Variants in SEC24B observed in about 807,000 individuals in gnomAD.
The protein encoded by SEC24B is protein transport protein Sec24B.
A neutral mutation model predicts 142.8 loss-of-function variants in SEC24B; 45 were observed. That is an observed-to-expected ratio of 0.32 (90% CI 0.25 to 0.40). SEC24B has a LOEUF of 0.40. Among genes scored for constraint, SEC24B ranks in the 10% least tolerant of loss-of-function variants. The pLI is 1.00. For missense variants in SEC24B, 1,409 were observed against 1,526.8 expected (o/e 0.92, Z 1.29); for synonymous variants, 574 against 568.2 (o/e 1.01, Z -0.15).
chr4:109,508,792 C>G (rs770559725), intron 7 of SEC24B, among the ~76,000 whole-genome samples: 2 of 152,116 alleles, frequency 1.3e-5, no homozygotes, highest in Non-Finnish European at 2.9e-5. Flanking sequence ...GTTTTGTCAA[C>G]TGTAAAACAG....
Position 109,524,806 on chromosome 4 carries a change from C to T in SEC24B, c.2509-12C>T, listed in dbSNP as rs1292708591. The T allele has an allele frequency of 6.2e-7, 1 of 1,603,902 alleles. No homozygotes were observed. The highest frequency in any genetic ancestry group is 2.3e-5 in the East Asian group (1 of 44,442). On this transcript the variant is annotated splice_polypyrimidine_tract_variant and intron_variant, in intron 14 of 23. Coordinates refer to ENST00000265175, the MANE Select transcript of SEC24B (RefSeq NM_006323.5). ...AGATTGCTAGCTCTTACTATATGAT[C>T]TGTTGACTTAGGTGGTACAACATCT...
chr4:109,519,160 A>G (rs748720893), intron 11 of SEC24B, among the ~76,000 whole-genome samples: 2 of 152,278 alleles, frequency 1.3e-5, no homozygotes, highest in Middle Eastern at 6.8e-3. Flanking sequence ...TCTTGGAGGT[A>G]CTAAAATACC....
intron 18 of SEC24B, 143 bp from the exon 19 acceptor site, chr4:109,530,146 A>G: frequency 5.1e-6 from 3 of 582,636 alleles, no homozygotes; most frequent in Non-Finnish European, 8.8e-6. Flanking sequence ...GACATTTGAA[A>G]TGAGGGAGCT....
At chr4:109,436,081 A>AT (rs1728384362) in intron 1 of SEC24B, among the ~76,000 whole-genome samples, 1 of 152,150 alleles carries the variant, frequency 6.6e-6, no homozygotes, top group African/African-American at 2.4e-5. Flanking sequence ...CTTAAATGTT[A>AT]TGCTAGGAAA....
At chr4:109,527,048 A>AT (rs1724314443) in intron 17 of SEC24B, among the ~76,000 whole-genome samples, 1 of 151,852 alleles carries the variant, frequency 6.6e-6, no homozygotes, top group Non-Finnish European at 1.5e-5. Flanking sequence ...GTGAAACCCC[A>AT]TCTCTACTAA....
intron 1 of SEC24B, chr4:109,449,500 G>A: frequency 2.2e-6 from 1 of 454,330 alleles, no homozygotes; most frequent in South Asian, 1.6e-5. Context: ...CCAAATTGCT[G>A]GGAGTACAGG....
chr4:109,507,845 A>G (rs993357624), intron 7 of SEC24B, among the ~76,000 whole-genome samples: 6 of 152,016 alleles, frequency 3.9e-5, no homozygotes, highest in Non-Finnish European at 7.4e-5. Context: ...GGGTTTCTGC[A>G]TGTTGGTCAG....
chr4:109,534,236 G>A (rs191955891), intron 22 of SEC24B, among the ~76,000 whole-genome samples: 5 of 150,946 alleles, frequency 3.3e-5, no homozygotes, highest in Admixed American at 2.6e-4. Context: ...ACATTTAAAC[G>A]TAAAAAAGGA....
At chr4:109,471,253 C>T (rs1732494873) in intron 2 of SEC24B, among the ~76,000 whole-genome samples, 1 of 152,134 alleles carries the variant, frequency 6.6e-6, no homozygotes, top group Admixed American at 6.5e-5. Context: ...AGCCATCCTC[C>T]CACCTCAGCC....
chr4:109,463,560 C>G lies in SEC24B; in HGVS notation c.793C>G (p.Pro265Ala), dbSNP rs773836007. 1 of 1,614,184 alleles carries G rather than the reference C, an allele frequency of 6.2e-7. No individual in the cohort carries two copies. The highest frequency in any genetic ancestry group is 1.1e-5 in the South Asian group (1 of 91,082). The stretch of plus-strand genomic sequence containing the variant: ...ATACAGTACTCTAACGTGGTCATCT[C>G]CAGGCCTTCCATCGACTCAAGACAA... The part of the protein sequence containing the change: ...SGYSTLTWSS[P>A]GLPSTQDNLI... Residue 265 changes from proline (P) to alanine (A), a missense_variant, in exon 2 of 24, where the codon CCA becomes GCA. Physicochemically the swap from Pro to Ala is conservative, Grantham distance 27. Transcript: ENST00000265175.
intron 4 of SEC24B, among the ~76,000 whole-genome samples, chr4:109,482,977 T>TACACACACAC (rs1328212925): frequency 4.2e-5 from 2 of 47,464 alleles, no homozygotes; most frequent in African/African-American, 2.0e-4. Flanking sequence ...TATATATATA[T>TACACACACAC]ATACACACAC....
chr4:109,533,717 G>GTTTGCTCATTTTTTTT, intron 22 of SEC24B, 32 bp downstream of exon 22: 1 of 1,240,372 alleles, frequency 8.1e-7, no homozygotes. Context: ...TTAACTTTTT[G>GTTTGCTCATTTTTTTT]TTTGCTCATT....
At chr4:109,520,588 G>A in intron 12 of SEC24B, 104 bp downstream of exon 12, 1 of 752,764 alleles carries the variant, frequency 1.3e-6, no homozygotes, top group Non-Finnish European at 2.4e-6. Context: ...ATAATGTCAT[G>A]CACTTTAGTA....
intron 1 of SEC24B, among the ~76,000 whole-genome samples, chr4:109,447,351 A>T (rs567258264): frequency 2.0e-3 from 302 of 152,316 alleles, no homozygotes; most frequent in Non-Finnish European, 3.9e-3. Flanking sequence ...AAAAAGTTTC[A>T]AAAAAGGTAT....
intron 5 of SEC24B, among the ~76,000 whole-genome samples, chr4:109,494,293 T>TA (rs1561133187): frequency 6.6e-6 from 1 of 151,630 alleles, no homozygotes; most frequent in Admixed American, 6.6e-5. Flanking sequence ...ATCTCTATTT[T>TA]AAAAAAAAGA....
intron 1 of SEC24B, chr4:109,449,418 G>T: frequency 2.8e-6 from 1 of 352,006 alleles, no homozygotes; most frequent in Non-Finnish European, 5.7e-6. Flanking sequence ...TTTTTGTAGA[G>T]ACGGGATTTC....
rs1244676928 is a variant in SEC24B at position 109,531,510 on chromosome 4, A to G, written c.3378A>G (p.Arg1126=). The G allele has an allele frequency of 6.2e-7, 1 of 1,606,958 alleles. No individual in the cohort carries two copies. The highest frequency in any genetic ancestry group is 1.1e-5 in the South Asian group (1 of 90,518). ...MIHPNLYRID[R]LTDEGAVHVN... ...ATCCCAACTTATACAGGATAGACAG[A>G]TTGACAGATGAGGTATGTATTTTAG... Residue 1126 remains arginine, a synonymous_variant, in exon 20 of 24, where the codon AGA becomes AGG. Coordinates refer to ENST00000265175, the MANE Select transcript of SEC24B (RefSeq NM_006323.5).
intron 1 of SEC24B, among the ~76,000 whole-genome samples, chr4:109,448,481 C>T (rs1729695535): frequency 6.6e-6 from 1 of 152,128 alleles, no homozygotes; most frequent in African/African-American, 2.4e-5. Context: ...CTTCAGTCAG[C>T]TTCCTCTAAC....
intron 22 of SEC24B, among the ~76,000 whole-genome samples, chr4:109,534,047 CTTT>C (rs768037586): frequency 7.1e-6 from 1 of 141,654 alleles, no homozygotes; most frequent in Non-Finnish European, 1.6e-5. Context: ...ATTAGTAGTT[CTTT>C]TTTTTTTTTT....
Sources: gnomAD v4.1 joint callset for allele counts (sites outside exome capture counted in the v4.1 genomes callset) on GRCh38, gnomAD v4.1.1 for gene constraint, MANE v1.5 for transcripts, NCBI Gene and HGNC (gene_info 2026-07-23, HGNC 2026-07-21) for gene names.